The following TAPBP variants were observed in gnomAD, a reference collection of about 807,000 sequenced individuals.
TAPBP encodes TAP binding protein.
TAPBP carries 38 observed loss-of-function variants against 45.7 expected under a neutral mutation model. The ratio of observed to expected loss-of-function variants is 0.83; its 90% CI spans 0.64 to 1.09. The LOEUF (loss-of-function observed/expected upper bound fraction) is 1.09. TAPBP is among the 50% of genes least tolerant of loss of function. The pLI, the probability that TAPBP is intolerant of heterozygous loss-of-function variation, is 0.00. For missense variants in TAPBP, 513 were observed against 587.3 expected, an observed-to-expected ratio of 0.87 and a Z score of 1.31; for synonymous variants, 226 against 254.8, an observed-to-expected ratio of 0.89 and a Z score of 1.08.
intron 7 of TAPBP, among the ~76,000 whole-genome samples, chr6:33,303,271 T>C (rs989531286): frequency 1.3e-5 from 2 of 151,926 alleles, no homozygotes; most frequent in African/African-American, 4.8e-5. Flanking sequence ...ATACAAAAAT[T>C]AGCCAGGCGT....
At chr6:33,302,312 ATTTGTTTTGT>A (rs145102481) in intron 7 of TAPBP, among the ~76,000 whole-genome samples, 7 of 151,084 alleles carry the variant, frequency 4.6e-5, no homozygotes, top group Non-Finnish European at 7.4e-5. Context: ...TGCCCAGCTA[ATTTGTTTTGT>A]TTTGTTTTGT....
At chr6:33,312,736 C>G (rs1226743273) in intron 3 of TAPBP, among the ~76,000 whole-genome samples, 1 of 152,200 alleles carries the variant, frequency 6.6e-6, no homozygotes, top group Non-Finnish European at 1.5e-5. Flanking sequence ...TGCGGATTGC[C>G]GCAGCGCCGG....
intron 3 of TAPBP, among the ~76,000 whole-genome samples, chr6:33,311,500 C>G (rs1769341444): frequency 6.6e-6 from 1 of 150,532 alleles, no homozygotes; most frequent in South Asian, 2.1e-4. Context: ...TGGTGGCAGG[C>G]ACCTGTAATC....
rs1388905918 is a variant in TAPBP, at chr6:33,304,444, G to A, written c.1063C>T (p.His355Tyr). 3.7e-6 allele frequency: 6 copies of A among 1,611,608 alleles called. No individual in the cohort carries two copies. Among genetic ancestry groups the A allele is most frequent in the Non-Finnish European group, 3.4e-6 (4 of 1,178,782 alleles). Residue 355 changes from histidine (H) to tyrosine (Y), a missense_variant, in exon 5 of 8, where the codon CAT (histidine) becomes TAT (tyrosine). By Grantham distance (83) the His-to-Tyr change is moderately conservative. Coordinates refer to ENST00000434618, the MANE Select transcript of TAPBP (RefSeq NM_003190.5). ...GQRWLSALRH[H>Y]SDGSVSLSGH... ...GAGAGGCTGACAGAGCCATCGGAAT[G>A]GTGGCGCAGGGCCGAGAGCCACCTC...
Position 33,304,534 on chromosome 6 carries a change from C to T in TAPBP, c.973G>A (p.Gly325Ser). 2 of 1,612,342 alleles carry T rather than the reference C, an allele frequency of 1.2e-6. No homozygotes were observed. Among genetic ancestry groups the T allele is most frequent in the African/African-American group, 1.3e-5 (1 of 75,014 alleles). ...CLVSHFYPSG[G>S]LEVEWELRGG... ...CGGAGTTCCCACTCCACCTCCAGGCCCCCAGAAGGGTAGAAGTGGGACACA... is the reference window on the plus strand; with the variant it reads ...CGGAGTTCCCACTCCACCTCCAGGCTCCCAGAAGGGTAGAAGTGGGACACA... The change falls in exon 5 of 8, where the codon GGC (glycine) becomes AGC (serine). Residue 325 changes from glycine to serine, a missense_variant. Coordinates refer to ENST00000434618, the MANE Select transcript of TAPBP (RefSeq NM_003190.5).
chr6:33,307,278 ACTCCGTCT>A (rs1437087825), intron 3 of TAPBP, among the ~76,000 whole-genome samples: 1 of 151,930 alleles, frequency 6.6e-6, no homozygotes, highest in Non-Finnish European at 1.5e-5. Context: ...ACAGAGTGAG[ACTCCGTCT>A]CAAAACTAAA....
chr6:33,305,442 G>A lies in TAPBP; in HGVS notation c.470-55C>T. 6.8e-7 allele frequency: 1 copy of A among 1,464,266 alleles called. No individual in the cohort carries two copies. The highest frequency in any genetic ancestry group is 9.1e-7 in the Non-Finnish European group (1 of 1,104,830). The allele number at this position is 1,464,266 out of a possible 1,614,324, so 90.7% of individuals were successfully genotyped here. A position where few individuals can be genotyped will look rare whatever the true frequency, so the allele number is the denominator to read the frequency against. ...GAGGGGCATGAGGGAGAGAAAGAAG[G>A]AGAAAAAAATAGAGAAATGCAGTTA... is the stretch of plus-strand genomic sequence containing the variant. On this transcript the variant is annotated intron_variant, in intron 3 of 7. Transcript: ENST00000434618. The surrounding 1 kb of genome is among the most constrained non-coding windows in gnomAD (Gnocchi z 4.4).
rs1257264746 is a variant in TAPBP at position 33,305,704 on chromosome 6, GC to G, written c.470-318del. The stretch of plus-strand genomic sequence containing the variant: ...AGCTCGGGGGACTGCAGAATCCGAG[GC>G]CACTTCTGACACAACCTGAACCACT... On this transcript the variant is annotated intron_variant, in intron 3 of 7. Transcript: ENST00000434618. This position sits in a 1 kb window ranked among gnomAD's most constrained non-coding sequence, Gnocchi z 4.4. 6.6e-6 allele frequency among the ~76,000 whole-genome samples: 1 copy of G among 152,142 alleles called. No homozygotes were observed. Among genetic ancestry groups the G allele is most frequent in the Non-Finnish European group, 1.5e-5 (1 of 68,020 alleles).
chr6:33,303,458 G>C (rs3180817), intron 7 of TAPBP: 11,365 of 365,550 alleles, frequency 0.031, 446 homozygotes, highest in African/African-American at 0.12. Flanking sequence ...ATGTGTATAA[G>C]GTGTATAGGA....
intron 3 of TAPBP, among the ~76,000 whole-genome samples, chr6:33,310,358 T>C (rs189801711): frequency 6.7e-6 from 1 of 149,960 alleles, no homozygotes; most frequent in Non-Finnish European, 1.5e-5. Flanking sequence ...ATACAAAAAT[T>C]AGCTGGGCCT....
intron 3 of TAPBP, among the ~76,000 whole-genome samples, chr6:33,309,849 C>T (rs923594458): frequency 3.3e-5 from 5 of 150,844 alleles, no homozygotes; most frequent in African/African-American, 4.9e-5. Flanking sequence ...CTCAGCCTTC[C>T]GAGTAGCTGG....
intron 7 of TAPBP, 23 bp downstream of exon 7, chr6:33,303,932 T>C (rs1427487491): frequency 4.3e-6 from 7 of 1,613,946 alleles, no homozygotes; most frequent in African/African-American, 2.7e-5. Context: ...AAGGGAAAGA[T>C]ACAGAGAGGT....
chr6:33,309,557 A>T (rs993366690), intron 3 of TAPBP, among the ~76,000 whole-genome samples: 13 of 151,232 alleles, frequency 8.6e-5, no homozygotes, highest in Admixed American at 1.3e-4. Flanking sequence ...GAAAAAATTT[A>T]AAAAAATAAT....
At chr6:33,312,874 C>T (rs1369647082) in intron 3 of TAPBP, 2 of 300,574 alleles carry the variant, frequency 6.7e-6, no homozygotes, top group African/African-American at 4.3e-5. Context: ...CCCCTCCCAC[C>T]TCGCATCACC....
rs1473069888 is a variant in TAPBP, at chr6:33,314,037, T to A, written c.5A>T (p.Lys2Met). 1 of 1,613,946 alleles carries A rather than the reference T, an allele frequency of 6.2e-7. No individual in the cohort carries two copies. Among genetic ancestry groups the A allele is most frequent in the South Asian group, 1.1e-5 (1 of 91,078 alleles). M[K>M]SLSLLLAVAL... ...CACAGCGAGGAGCAGAGACAGGGAC[T>A]TCATGGCGCTGCGACCTCCTCAGCC... is the stretch of plus-strand genomic sequence containing the variant. Residue 2 changes from lysine to methionine, a missense_variant, in exon 1 of 8, where the codon AAG becomes ATG. Coordinates refer to ENST00000434618, the MANE Select transcript of TAPBP (RefSeq NM_003190.5).
Position 33,305,471 on chromosome 6 carries a change from G to A in TAPBP, c.470-84C>T. On this transcript the variant is annotated intron_variant, in intron 3 of 7. Transcript: ENST00000434618. This position sits in a 1 kb window ranked among gnomAD's most constrained non-coding sequence, Gnocchi z 4.4. ...AAAAAATAGAGAAATGCAGTTATTG[G>A]GGAGGGCTAAACTGCAGTTTACCCA... 1 of 1,401,696 alleles carries A rather than the reference G, an allele frequency of 7.1e-7. No homozygotes were observed. Among genetic ancestry groups the A allele is most frequent in the Non-Finnish European group, 9.5e-7 (1 of 1,055,226 alleles). The allele number at this position is 1,401,696 out of a possible 1,614,324, so 86.8% of individuals were successfully genotyped here.
chr6:33,308,581 C>T (rs1172101028), intron 3 of TAPBP, among the ~76,000 whole-genome samples: 1 of 152,100 alleles, frequency 6.6e-6, no homozygotes, highest in Non-Finnish European at 1.5e-5. Context: ...GTCATGAGGT[C>T]CCTTCAGTTT....
chr6:33,309,641 G>A (rs1430906355), intron 3 of TAPBP, among the ~76,000 whole-genome samples: 1 of 96,550 alleles, frequency 1.0e-5, no homozygotes, highest in Admixed American at 1.6e-4. Context: ...GTCTCACTCT[G>A]TCACCCATCA....
intron 3 of TAPBP, among the ~76,000 whole-genome samples, chr6:33,306,558 C>T (rs929688548): frequency 6.6e-6 from 1 of 152,212 alleles, no homozygotes; most frequent in South Asian, 2.1e-4. Flanking sequence ...CATCAATGTA[C>T]GTTTAGACAA....
Sources: allele counts gnomAD v4.1 joint callset (sites outside exome capture counted in the v4.1 genomes callset), GRCh38; gene constraint gnomAD v4.1.1; non-coding constraint Gnocchi (gnomAD v3.1); transcripts MANE v1.5; gene names NCBI Gene and HGNC (gene_info 2026-07-23, HGNC 2026-07-21).